The following MAD1L1 variants were observed in gnomAD, a reference collection of about 807,000 sequenced individuals.
MAD1L1 encodes mitotic spindle assembly checkpoint protein MAD1.
Under a neutral mutation model 96.9 loss-of-function variants are expected in MAD1L1, and 95 were observed. The observed-to-expected ratio is 0.98, with a 90% CI of 0.83 to 1.16. The LOEUF is 1.16. Ranked by LOEUF, MAD1L1 falls within the 50% of genes most tolerant of loss-of-function variation. MAD1L1 has a pLI of 0.00. For missense variants in MAD1L1, 1,007 were observed against 954.4 expected (o/e 1.06, Z -0.73); for synonymous variants, 473 against 396.6 (o/e 1.19, Z -2.29).
chr7:2,082,267 A>C (rs1584275488), intron 11 of MAD1L1, among the ~76,000 whole-genome samples: 2 of 151,806 alleles, frequency 1.3e-5, no homozygotes, highest in Non-Finnish European at 2.9e-5. Flanking sequence ...AAAGCCAGGG[A>C]AGGAGGGAGG....
chr7:2,078,287 C>T (rs371470911), intron 11 of MAD1L1, among the ~76,000 whole-genome samples: 1 of 152,200 alleles, frequency 6.6e-6, no homozygotes, highest in Non-Finnish European at 1.5e-5. Context: ...ACCCACTATC[C>T]GGAGGCTCTG....
At chr7:2,164,114 T>C (rs1483855415) in intron 10 of MAD1L1, among the ~76,000 whole-genome samples, 1 of 152,206 alleles carries the variant, frequency 6.6e-6, no homozygotes, top group Non-Finnish European at 1.5e-5. Flanking sequence ...GACACCTATG[T>C]CCTCTTCTCA....
At chr7:1,820,019 G>C (rs868542340) in intron 18 of MAD1L1, among the ~76,000 whole-genome samples, 1 of 152,122 alleles carries the variant, frequency 6.6e-6, no homozygotes, top group Non-Finnish European at 1.5e-5. Context: ...AAATGGAAAC[G>C]ATGCTACTTC....
chr7:1,839,290 A>T (rs1317347383), intron 18 of MAD1L1, among the ~76,000 whole-genome samples: 5 of 151,782 alleles, frequency 3.3e-5, no homozygotes, highest in African/African-American at 1.2e-4. Flanking sequence ...CAGGACAGAC[A>T]CTCGGGGTCC....
In MAD1L1 at chr7:2,114,257, G is replaced by A. The variant is rs951886119; in HGVS notation, c.1073+34895C>T. ...AAGACAAAAGGGCAAATGGCCGGATGGTAATGACTCATCCCAAAGGCCATC... is the reference window on the plus strand; with the variant it reads ...AAGACAAAAGGGCAAATGGCCGGATAGTAATGACTCATCCCAAAGGCCATC... On this transcript the variant is annotated intron_variant, in intron 11 of 18. Coordinates refer to ENST00000265854, the MANE Select transcript of MAD1L1 (RefSeq NM_001013836.2). The surrounding 1 kb of genome is among the most constrained non-coding windows in gnomAD (Gnocchi z 4.2). Among the ~76,000 whole-genome samples, 4 of 152,212 alleles carry A rather than the reference G, an allele frequency of 2.6e-5. No individual in the cohort carries two copies. Among genetic ancestry groups the A allele is most frequent in the African/African-American group, 4.8e-5 (2 of 41,446 alleles).
chr7:1,960,042 G>T (rs1296181506), intron 15 of MAD1L1, among the ~76,000 whole-genome samples: 3 of 152,146 alleles, frequency 2.0e-5, no homozygotes, highest in Non-Finnish European at 4.4e-5. Flanking sequence ...AAGGCTGGAG[G>T]AGAAAAACCA....
At chr7:2,086,019 T>G (rs570741398) in intron 11 of MAD1L1, among the ~76,000 whole-genome samples, 41 of 152,268 alleles carry the variant, frequency 2.7e-4, no homozygotes, top group South Asian at 1.0e-3. Flanking sequence ...ATCACCTCCG[T>G]GCGCAGCTCC....
At position 1,828,043 on chromosome 7, in the gene MAD1L1, T is replaced by A. The variant is rs1305692254; in HGVS notation, c.1999-11815A>T. ...CCCTCCTGTGAGGCTGCCCCTCTTATGTGCTGTGGGCCCCGGGGCCCATCA... is the reference window on the plus strand; with the variant it reads ...CCCTCCTGTGAGGCTGCCCCTCTTAAGTGCTGTGGGCCCCGGGGCCCATCA... On this transcript the variant is annotated intron_variant, in intron 18 of 18. Coordinates refer to ENST00000265854, the MANE Select transcript of MAD1L1 (RefSeq NM_001013836.2). 2.6e-5 allele frequency among the ~76,000 whole-genome samples: 4 copies of A among 151,990 alleles called. No homozygotes were observed. In the South Asian group the frequency reaches 8.3e-4, roughly 32 times the overall value.
chr7:2,093,506 C>CAGCTTTGCTGAGA (rs1786322058), intron 11 of MAD1L1, among the ~76,000 whole-genome samples: 1 of 152,232 alleles, frequency 6.6e-6, no homozygotes. Flanking sequence ...CCTTTCTTCT[C>CAGCTTTGCTGAGA]AGCTTTGCTG....
At position 2,051,968 on chromosome 7, in the gene MAD1L1, G is replaced by A. The variant is rs868678358; in HGVS notation, c.1218+17226C>T. On this transcript the variant is annotated intron_variant, in intron 12 of 18. Coordinates refer to ENST00000265854, the MANE Select transcript of MAD1L1 (RefSeq NM_001013836.2). ...AGTACTCCAAGGGCAAGCGTCCTCT[G>A]GGAAGCGTGTTGGGAATGGATGTTT... Among the ~76,000 whole-genome samples the A allele has an allele frequency of 1.1e-4, 16 of 152,222 alleles. No homozygotes were observed. The South Asian group carries it at 1.5e-3, about 14-fold the overall frequency.
At position 1,816,142 on chromosome 7, in the gene MAD1L1, C is replaced by A. The variant is rs1781787368; in HGVS notation, c.2085G>T (p.Arg695=). ...TVGELIEVHL[R]RQDSIPAFLS... is the part of the protein sequence containing the mutation. ...GGAAGGCAGGGATGCTGTCCTGGCG[C>A]CGCAGGTGCACCTCGATGAGCTCGC... Residue 695 remains arginine (R), a synonymous_variant, in exon 19 of 19, where the codon CGG becomes CGT. Transcript: ENST00000265854. 6.2e-7 allele frequency: 1 copy of A among 1,613,098 alleles called. No homozygotes were observed. The highest frequency in any genetic ancestry group is 8.5e-7 in the Non-Finnish European group (1 of 1,179,890).
intron 18 of MAD1L1, among the ~76,000 whole-genome samples, chr7:1,894,724 G>C (rs964228872): frequency 1.2e-4 from 19 of 152,108 alleles, no homozygotes; most frequent in Admixed American, 1.1e-3. Flanking sequence ...GGGCGAGCGG[G>C]GTGCTAGGCA....
chr7:2,230,181 T>C (rs1365351369), intron 2 of MAD1L1, 38 bp from the exon 3 acceptor site: 7 of 1,539,360 alleles, frequency 4.5e-6, no homozygotes, highest in South Asian at 1.2e-5. Context: ...AGGGGCAGCC[T>C]TTCCACGTGC....
At chr7:1,987,012 A>G (rs1265054542) in intron 14 of MAD1L1, among the ~76,000 whole-genome samples, 1 of 151,986 alleles carries the variant, frequency 6.6e-6, no homozygotes, top group Admixed American at 6.6e-5. Flanking sequence ...ACAGGACAGT[A>G]GCCACAGAGG....
intron 12 of MAD1L1, among the ~76,000 whole-genome samples, chr7:2,064,033 A>G (rs6461115): frequency 0.29 from 44,430 of 152,064 alleles, 6,892 homozygotes; most frequent in South Asian, 0.44. Context: ...GGCCGGCTCC[A>G]CAGATGACAC....
intron 10 of MAD1L1, among the ~76,000 whole-genome samples, chr7:2,192,841 G>C (rs1791794523): frequency 6.6e-6 from 1 of 152,090 alleles, no homozygotes. Context: ...CATTTCATGG[G>C]ATAATCAGAC....
At chr7:2,218,449 C>A (rs1639915) in intron 6 of MAD1L1, among the ~76,000 whole-genome samples, 17 of 152,070 alleles carry the variant, frequency 1.1e-4, no homozygotes, top group African/African-American at 3.9e-4. Context: ...CTCCTAAAAC[C>A]ACATCTGCTG....
At chr7:2,101,241 G>A (rs995595486) in intron 11 of MAD1L1, among the ~76,000 whole-genome samples, 1 of 152,208 alleles carries the variant, frequency 6.6e-6, no homozygotes, top group African/African-American at 2.4e-5. Flanking sequence ...TGCCCTGGGG[G>A]GAAGGGCCAC....
At chr7:1,887,111 T>C (rs1786085787) in intron 18 of MAD1L1, among the ~76,000 whole-genome samples, 1 of 152,262 alleles carries the variant, frequency 6.6e-6, no homozygotes, top group African/African-American at 2.4e-5. Flanking sequence ...GGGCTCCGGC[T>C]GGGCCCATGC....
Sources: gnomAD v4.1 joint callset for allele counts (sites outside exome capture counted in the v4.1 genomes callset) on GRCh38, gnomAD v4.1.1 for gene constraint, Gnocchi (gnomAD v3.1) non-coding constraint, MANE v1.5 for transcripts, NCBI Gene and HGNC (gene_info 2026-07-23, HGNC 2026-07-21) for gene names.